Variants in PPARGC1A observed in about 807,000 individuals in gnomAD.
PPARGC1A encodes peroxisome proliferator-activated receptor gamma coactivator 1-alpha.
A neutral mutation model predicts 88.7 loss-of-function variants in PPARGC1A; 25 were observed. The observed-to-expected ratio is 0.28, with a 90% CI of 0.21 to 0.39. The LOEUF (loss-of-function observed/expected upper bound fraction) is 0.39. Ranked by LOEUF, PPARGC1A falls within the 10% of genes least tolerant of loss-of-function variation. The probability of loss-of-function intolerance (pLI) is 1.00; values close to 1 mark genes in which losing one functional copy is unlikely to be tolerated. For missense variants in PPARGC1A, 880 were observed against 968.7 expected, an observed-to-expected ratio of 0.91 and a Z score of 1.22; for synonymous variants, 363 against 355.6, an observed-to-expected ratio of 1.02 and a Z score of -0.24.
At chr4:23,817,906 G>T (rs2109516669) in intron 7 of PPARGC1A, among the ~76,000 whole-genome samples, 1 of 152,234 alleles carries the variant, frequency 6.6e-6, no homozygotes, top group African/African-American at 2.4e-5. Flanking sequence ...TTCTTTCTTT[G>T]AACATAGTGT....
At chr4:23,910,111 A>G in the PPARGC1A span, among the ~76,000 whole-genome samples, 1 of 134,360 alleles carries the variant, frequency 7.4e-6, no homozygotes, top group Non-Finnish European at 1.5e-5. Context: ...ATATATGTAT[A>G]TGTGTGTGTA....
At chr4:24,272,458 CT>C in the PPARGC1A span, among the ~76,000 whole-genome samples, 1 of 152,242 alleles carries the variant, frequency 6.6e-6, no homozygotes, top group Admixed American at 6.5e-5. Flanking sequence ...TCATACCCCC[CT>C]GACTTACCTG....
the PPARGC1A span, among the ~76,000 whole-genome samples, chr4:24,412,438 A>G: frequency 6.6e-6 from 1 of 152,240 alleles, no homozygotes; most frequent in Non-Finnish European, 1.5e-5. Flanking sequence ...TGTGAAAATT[A>G]CATGGAATTC....
At chr4:24,215,670 G>A in the PPARGC1A span, among the ~76,000 whole-genome samples, 1 of 152,190 alleles carries the variant, frequency 6.6e-6, no homozygotes, top group Non-Finnish European at 1.5e-5. Flanking sequence ...GAAGCTGAAA[G>A]AGAAAATGAA....
At chr4:23,876,694 T>A (rs1034407557) in intron 2 of PPARGC1A, among the ~76,000 whole-genome samples, 2 of 151,732 alleles carry the variant, frequency 1.3e-5, no homozygotes, top group Non-Finnish European at 2.9e-5. Context: ...CAGAAAAGAA[T>A]GAAAAAGTGC....
the PPARGC1A span, among the ~76,000 whole-genome samples, chr4:24,301,056 A>T: frequency 6.6e-6 from 1 of 152,196 alleles, no homozygotes; most frequent in African/African-American, 2.4e-5. Context: ...AGGAAAAAAA[A>T]AATCCCTAAT....
the PPARGC1A span, among the ~76,000 whole-genome samples, chr4:24,468,024 G>T: frequency 6.6e-6 from 1 of 152,152 alleles, no homozygotes; most frequent in African/African-American, 2.4e-5. Context: ...CTGGCCTCAT[G>T]GACACTCGAG....
chr4:23,937,349 G>T, the PPARGC1A span, among the ~76,000 whole-genome samples: 2 of 152,044 alleles, frequency 1.3e-5, no homozygotes, highest in African/African-American at 4.8e-5. Context: ...AAATGCTGCT[G>T]ATCCCGTCTG....
the PPARGC1A span, among the ~76,000 whole-genome samples, chr4:24,238,250 A>C: frequency 6.6e-6 from 1 of 152,192 alleles, no homozygotes; most frequent in Non-Finnish European, 1.5e-5. Flanking sequence ...AACTGCCTTT[A>C]TACTTAGTTA....
At chr4:24,143,348 C>A in the PPARGC1A span, among the ~76,000 whole-genome samples, 1 of 152,050 alleles carries the variant, frequency 6.6e-6, no homozygotes, top group Non-Finnish European at 1.5e-5. Context: ...AATAGGTGAA[C>A]ACCACTGCAC....
the PPARGC1A span, among the ~76,000 whole-genome samples, chr4:24,033,128 G>A: frequency 1.3e-5 from 2 of 152,076 alleles, no homozygotes; most frequent in East Asian, 3.9e-4. Flanking sequence ...TAAAACATAG[G>A]CTCAGCGGTC....
At chr4:24,341,777 T>C in the PPARGC1A span, among the ~76,000 whole-genome samples, 91 of 152,238 alleles carry the variant, frequency 6.0e-4, 1 homozygote, top group African/African-American at 2.1e-3. Context: ...AACACACACA[T>C]TCCATGAAAG....
the PPARGC1A span, among the ~76,000 whole-genome samples, chr4:24,287,634 G>GCACACACACACACACA: frequency 1.9e-4 from 27 of 142,142 alleles, no homozygotes; most frequent in South Asian, 4.8e-4. Flanking sequence ...AACACCACAT[G>GCACACACACACACACA]CACACACACA....
At position 23,792,355 on chromosome 4, in the gene PPARGC1A, G is replaced by C. The variant is rs966735384; in HGVS notation, c.*3467C>G. ...CTATTCTAGGTCATCTATAGATCAG[G>C]TCTTAGACTACAGTGATTGAAGTTC... On this transcript the variant is annotated 3_prime_UTR_variant, in exon 13 of 13. Transcript: ENST00000264867. The C allele has an allele frequency of 6.6e-6, 1 of 152,506 alleles. No individual in the cohort carries two copies. 9.4% of individuals were successfully genotyped at this position (152,506 alleles called of 1,614,324 possible).
intron 2 of PPARGC1A, among the ~76,000 whole-genome samples, chr4:23,853,268 A>G (rs10018239): frequency 0.4 from 60,130 of 152,008 alleles, 12,765 homozygotes; most frequent in African/African-American, 0.53. Context: ...TTAAAGGGGG[A>G]AAAGTGAGAG....
At chr4:23,833,203 C>T (rs1725355795) in intron 2 of PPARGC1A, among the ~76,000 whole-genome samples, 1 of 152,144 alleles carries the variant, frequency 6.6e-6, no homozygotes, top group African/African-American at 2.4e-5. Context: ...GACTTCCAAA[C>T]ATGTACCTTG....
chr4:23,911,579 A>G, the PPARGC1A span, among the ~76,000 whole-genome samples: 1 of 152,348 alleles, frequency 6.6e-6, no homozygotes, highest in South Asian at 2.1e-4. Flanking sequence ...AAATGTTGAT[A>G]AACTGAGATA....
At chr4:24,340,581 C>T in the PPARGC1A span, among the ~76,000 whole-genome samples, 2 of 151,782 alleles carry the variant, frequency 1.3e-5, no homozygotes, top group Non-Finnish European at 2.9e-5. Context: ...TTTTAATGTC[C>T]ATAAAATGAC....
chr4:24,387,032 C>T, the PPARGC1A span, among the ~76,000 whole-genome samples: 2 of 152,086 alleles, frequency 1.3e-5, no homozygotes, highest in East Asian at 3.9e-4. Flanking sequence ...GGTACTGGTT[C>T]CAAAACAGAT....
Sources: gnomAD v4.1 joint callset for allele counts (sites outside exome capture counted in the v4.1 genomes callset) on GRCh38, gnomAD v4.1.1 for gene constraint, MANE v1.5 for transcripts, NCBI Gene and HGNC (gene_info 2026-07-23, HGNC 2026-07-21) for gene names.